CCDC158: variants seen among roughly 807,000 people sequenced by gnomAD.
CCDC158 encodes coiled-coil domain-containing protein 158.
CCDC158 carries 116 observed loss-of-function variants against 138.6 expected under a neutral mutation model. That is an observed-to-expected ratio of 0.84 (90% CI 0.72 to 0.98). The LOEUF is 0.98. Among genes scored for constraint, CCDC158 ranks in the 50% least tolerant of loss-of-function variants. The probability of loss-of-function intolerance (pLI) is 0.00; values close to 1 mark genes in which losing one functional copy is unlikely to be tolerated. For synonymous variants in CCDC158, 436 were observed against 442.4 expected, an observed-to-expected ratio of 0.99 and a Z score of 0.18; for missense variants, 1,265 against 1,306.1, an observed-to-expected ratio of 0.97 and a Z score of 0.48.
chr4:76,407,164 A>G (rs999256244), intron 2 of CCDC158: 1 of 152,094 alleles, frequency 6.6e-6, no homozygotes, highest in Non-Finnish European at 1.5e-5. Flanking sequence ...CTAAAAATTT[A>G]AAAAAACCCT....
chr4:76,418,744 G>A (rs1321896418), intron 1 of CCDC158, among the ~76,000 whole-genome samples: 3 of 152,096 alleles, frequency 2.0e-5, no homozygotes, highest in Non-Finnish European at 2.9e-5. Context: ...ACCTTCCACT[G>A]GGTCCCTCCC....
chr4:76,353,036 TC>T (rs1359077547), intron 16 of CCDC158, 86 bp downstream of exon 16: 1 of 1,084,722 alleles, frequency 9.2e-7, no homozygotes, highest in African/African-American at 1.6e-5. Flanking sequence ...TCAGTTCCTG[TC>T]TACATAGAGC....
rs746893392 is a variant in CCDC158 at position 76,383,650 on chromosome 4, T to C, written c.803+12A>G. 1 of 1,602,408 alleles carries C rather than the reference T, an allele frequency of 6.2e-7. No homozygotes were observed. The highest frequency in any genetic ancestry group is 1.7e-5 in the Admixed American group (1 of 59,974). ...TTCGCTAGGCTTTTCCATACCTCAG[T>C]CAGAAACCTACCTATCTTGGTGTTG... On this transcript the variant is annotated intron_variant, in intron 7 of 24. Coordinates refer to ENST00000682701, the MANE Select transcript of CCDC158 (RefSeq NM_001394954.1).
At chr4:76,416,991 T>C (rs931686788) in intron 1 of CCDC158, among the ~76,000 whole-genome samples, 4 of 152,158 alleles carry the variant, frequency 2.6e-5, no homozygotes, top group African/African-American at 9.7e-5. Context: ...CCTTGCACTG[T>C]GCACCTGAAA....
rs567912160 is a variant in CCDC158 at position 76,321,141 on chromosome 4, G to T, written c.3277+2161C>A. On this transcript the variant is annotated intron_variant, in intron 24 of 24. Transcript: ENST00000682701. ...ATTCTCAAAAGAAGATACACAAATG[G>T]TCAACAAACATATGAAGAAATGCTC... 4.6e-5 allele frequency among the ~76,000 whole-genome samples: 7 copies of T among 152,158 alleles called. No individual in the cohort carries two copies. In the East Asian group the frequency reaches 1.4e-3, roughly 29 times the overall value.
rs1721081631 is a variant in CCDC158, at chr4:76,332,378, A to G, written c.2882+54T>C. 16 of 1,429,396 alleles carry G rather than the reference A, an allele frequency of 1.1e-5. No homozygotes were observed. In the East Asian group the frequency reaches 3.7e-4, roughly 33 times the overall value. The allele number at this position is 1,429,396 out of a possible 1,614,324, so 88.5% of individuals were successfully genotyped here. A position where few individuals can be genotyped will look rare whatever the true frequency, so the allele number is the denominator to read the frequency against. On this transcript the variant is annotated intron_variant, in intron 20 of 24. Transcript: ENST00000682701. ...AACAGACTTCTCAAATTACAAGGCCACATATAAAATATTTGGACAATTAAT... is the reference window on the plus strand; with the variant it reads ...AACAGACTTCTCAAATTACAAGGCCGCATATAAAATATTTGGACAATTAAT...
chr4:76,372,232 A>G (rs1425007898), intron 9 of CCDC158, among the ~76,000 whole-genome samples: 1 of 152,220 alleles, frequency 6.6e-6, no homozygotes, highest in Non-Finnish European at 1.5e-5. Flanking sequence ...TGAGCCCAGG[A>G]GTTCAAGACC....
At position 76,367,692 on chromosome 4, in the gene CCDC158, G is replaced by A. The variant is rs777880119; in HGVS notation, c.1432C>T (p.Arg478Cys). ...GCTGTCAACTCTTCTACTACTTTGC[G>A]CAGCATCTCTTTGGTGGATTCAAGC... ...AQLESTKEML[R>C]KVVEELTAKK... The change falls in exon 12 of 25, where the codon CGC (arginine) becomes TGC (cysteine). Residue 478 changes from arginine to cysteine, a missense_variant. Coordinates refer to ENST00000682701, the MANE Select transcript of CCDC158 (RefSeq NM_001394954.1). 13 of 1,613,904 alleles carry A rather than the reference G, an allele frequency of 8.1e-6. No homozygotes were observed. The highest frequency in any genetic ancestry group is 3.3e-5 in the South Asian group (3 of 91,086).
intron 13 of CCDC158, among the ~76,000 whole-genome samples, chr4:76,361,097 G>T (rs1477109398): frequency 6.6e-6 from 1 of 152,086 alleles, no homozygotes; most frequent in Non-Finnish European, 1.5e-5. Flanking sequence ...AAAGTGTGTA[G>T]CACCTCCCCC....
rs1238202785 is a variant in CCDC158, at chr4:76,362,278, A to G, written c.1868T>C (p.Leu623Pro). The G allele has an allele frequency of 6.2e-7, 1 of 1,613,930 alleles. No individual in the cohort carries two copies. The highest frequency in any genetic ancestry group is 2.2e-5 in the East Asian group (1 of 44,882). Residue 623 changes from leucine to proline, a missense_variant, in exon 13 of 25, where the codon CTT (leucine) becomes CCT (proline). Transcript: ENST00000682701. The stretch of plus-strand genomic sequence containing the variant: ...CTCCAAGTCACTCACTCTGGCCTCA[A>G]GCTCCCGGATCTTTGCATCTTTTTT... Reference protein sequence around the residue: ...KDKKDAKIRELEARVSDLELE... With the variant: ...KDKKDAKIREPEARVSDLELE...
chr4:76,394,773 A>T (rs968580076), intron 4 of CCDC158, among the ~76,000 whole-genome samples: 1 of 142,492 alleles, frequency 7.0e-6, no homozygotes, highest in Non-Finnish European at 1.5e-5. Context: ...TTGTTTAATT[A>T]AAAAAAAAGA....
At chr4:76,416,147 C>CCT (rs113548172) in intron 1 of CCDC158, among the ~76,000 whole-genome samples, 4,167 of 151,278 alleles carry the variant, frequency 0.028, 191 homozygotes, top group African/African-American at 0.096. Context: ...CTCTCTCTCT[C>CCT]CTCTCTCTCT....
At chr4:76,406,833 A>T (rs1728867814) in intron 2 of CCDC158, among the ~76,000 whole-genome samples, 2 of 152,124 alleles carry the variant, frequency 1.3e-5, no homozygotes, top group Admixed American at 6.5e-5. Flanking sequence ...AATAGTAAAA[A>T]GATGAAAATT....
At chr4:76,411,829 C>T (rs1274211514) in intron 2 of CCDC158, among the ~76,000 whole-genome samples, 1 of 152,186 alleles carries the variant, frequency 6.6e-6, no homozygotes, top group African/African-American at 2.4e-5. Context: ...CTAAGCGCCA[C>T]ACACCCTCCT....
chr4:76,407,659 T>C lies in CCDC158; in HGVS notation c.-73-4379A>G, dbSNP rs548620067. Among the ~76,000 whole-genome samples the C allele has an allele frequency of 1.1e-4, 16 of 152,138 alleles. No individual in the cohort carries two copies. In the South Asian group the frequency reaches 3.1e-3, roughly 30 times the overall value. On this transcript the variant is annotated intron_variant, in intron 2 of 24. Transcript: ENST00000682701. The stretch of plus-strand genomic sequence containing the variant: ...GAGTAATGTTATCATGAATTAGAGA[T>C]CAATCAGAAGCATAAAGGAATGAGT...
intron 18 of CCDC158, 84 bp downstream of exon 18, chr4:76,350,912 T>G (rs1722977163): frequency 7.4e-7 from 1 of 1,349,286 alleles, no homozygotes; most frequent in African/African-American, 1.5e-5. Flanking sequence ...TATAGAGATA[T>G]TATTTTTTAA....
At chr4:76,365,049 A>T (rs1410200129) in intron 12 of CCDC158, among the ~76,000 whole-genome samples, 1 of 152,240 alleles carries the variant, frequency 6.6e-6, no homozygotes, top group Admixed American at 6.5e-5. Flanking sequence ...AGGCATCACA[A>T]CACACATAGG....
intron 4 of CCDC158, among the ~76,000 whole-genome samples, chr4:76,392,888 A>G (rs913484248): frequency 6.6e-6 from 1 of 151,780 alleles, no homozygotes; most frequent in Non-Finnish European, 1.5e-5. Flanking sequence ...TCCCATTACA[A>G]GTTCCACAAA....
intron 21 of CCDC158, among the ~76,000 whole-genome samples, chr4:76,329,536 A>G (rs1407762467): frequency 1.3e-5 from 2 of 152,192 alleles, no homozygotes; most frequent in Non-Finnish European, 2.9e-5. Flanking sequence ...GTGAGCCGAG[A>G]TCACGCCATT....
Sources: gnomAD v4.1 joint callset for allele counts (sites outside exome capture counted in the v4.1 genomes callset) on GRCh38, gnomAD v4.1.1 for gene constraint, MANE v1.5 for transcripts, NCBI Gene and HGNC (gene_info 2026-07-23, HGNC 2026-07-21) for gene names.